PROX1: variants seen among roughly 807,000 people sequenced by gnomAD.
The protein encoded by PROX1 is prospero homeobox 1.
In PROX1, 7 loss-of-function variants were observed where a neutral mutation model predicts 58.8. The ratio of observed to expected loss-of-function variants is 0.12; its 90% CI spans 0.07 to 0.22. The LOEUF is 0.22. Ranked by LOEUF, PROX1 falls within the 10% of genes least tolerant of loss-of-function variation. The pLI, the probability that PROX1 is intolerant of heterozygous loss-of-function variation, is 1.00. For synonymous variants in PROX1, 350 were observed against 358.3 expected (o/e 0.98, Z 0.26); for missense variants, 675 against 927.8 (o/e 0.73, Z 3.54).
intron 2 of PROX1, among the ~76,000 whole-genome samples, chr1:213,999,635 G>A (rs1663420786): frequency 2.0e-5 from 3 of 152,190 alleles, no homozygotes; most frequent in Admixed American, 2.0e-4. Flanking sequence ...CTGAGCAAGA[G>A]AAGAACATTG....
At chr1:214,005,313 C>T in intron 3 of PROX1, 41 bp downstream of exon 3, 1 of 1,477,294 alleles carries the variant, frequency 6.8e-7, no homozygotes, top group Non-Finnish European at 9.4e-7. Flanking sequence ...ATTTTCTATG[C>T]ATGTGGCAGT....
chr1:214,030,555 G>A (rs1286695114), intron 4 of PROX1: 1 of 152,328 alleles, frequency 6.6e-6, no homozygotes, highest in Non-Finnish European at 1.5e-5. Context: ...GATTGAGGAG[G>A]GAGGAGTGTC....
intron 2 of PROX1, among the ~76,000 whole-genome samples, chr1:213,998,724 A>G (rs1433693585): frequency 6.6e-6 from 1 of 152,208 alleles, no homozygotes; most frequent in Admixed American, 6.5e-5. Flanking sequence ...CATAAGAAGA[A>G]TTCTCAGTGT....
chr1:213,984,336 T>C (rs1034793995), upstream of PROX1: 1 of 152,098 alleles, frequency 6.6e-6, no homozygotes, highest in African/African-American at 2.4e-5. Context: ...TATTTGGGAG[T>C]GGGTTCTTTA....
upstream of PROX1, chr1:213,987,726 G>C (rs1481508047): frequency 2.5e-5 from 3 of 121,382 alleles, no homozygotes; most frequent in African/African-American, 9.2e-5. Context: ...GGTGGGGGCC[G>C]GGGATGGAGG....
At chr1:214,009,435 C>A (rs1663830764) in intron 3 of PROX1, among the ~76,000 whole-genome samples, 3 of 152,154 alleles carry the variant, frequency 2.0e-5, no homozygotes, top group Admixed American at 1.3e-4. Flanking sequence ...TACTTTTTCT[C>A]CCCCAGTGTG....
intron 4 of PROX1, among the ~76,000 whole-genome samples, chr1:214,020,273 T>G (rs1391138603): frequency 6.6e-6 from 1 of 152,158 alleles, no homozygotes; most frequent in Non-Finnish European, 1.5e-5. Context: ...ATTGCCACAT[T>G]TTACCAATTT....
chr1:213,983,422 G>A (rs1182533780), upstream of PROX1: 1 of 152,460 alleles, frequency 6.6e-6, no homozygotes, highest in African/African-American at 2.4e-5. Context: ...CCCTGCGAGC[G>A]GGATCGAGCG....
chr1:214,005,307 T>A (rs773912895), intron 3 of PROX1, 35 bp downstream of exon 3: 1 of 1,513,660 alleles, frequency 6.6e-7, no homozygotes, highest in South Asian at 1.2e-5. Flanking sequence ...TTTTTCATTT[T>A]CTATGCATGT....
Position 214,041,063 on chromosome 1 carries a change from G to T in PROX1, c.*5229G>T, listed in dbSNP as rs1451988935. ...GGAAAAAAAAAAGTTGTTGTGGGGA[G>T]GGTGGGAAAGGGGTTTTACTTTGTG... is the stretch of plus-strand genomic sequence containing the variant. On this transcript the variant is annotated 3_prime_UTR_variant, in exon 5 of 5. Coordinates refer to ENST00000366958, the MANE Select transcript of PROX1 (RefSeq NM_001270616.2). 2.6e-5 allele frequency: 4 copies of T among 151,970 alleles called. No individual in the cohort carries two copies. The highest frequency in any genetic ancestry group is 9.7e-5 in the African/African-American group (4 of 41,392). 9.4% of individuals were successfully genotyped at this position (151,970 alleles called of 1,614,324 possible).
chr1:213,994,272 G>A (rs1172641534), intron 1 of PROX1, among the ~76,000 whole-genome samples: 1 of 152,128 alleles, frequency 6.6e-6, no homozygotes, highest in Admixed American at 6.5e-5. Context: ...ACTGCAAAAA[G>A]TTTGTTTGAC....
chr1:213,993,657 T>A (rs150148894), intron 1 of PROX1, among the ~76,000 whole-genome samples: 4 of 152,306 alleles, frequency 2.6e-5, no homozygotes, highest in African/African-American at 9.6e-5. Flanking sequence ...CTTCCATGGG[T>A]TATGGTTCCA....
chr1:213,992,546 T>C (rs1487507354), intron 1 of PROX1, among the ~76,000 whole-genome samples: 1 of 152,130 alleles, frequency 6.6e-6, no homozygotes, highest in Non-Finnish European at 1.5e-5. Flanking sequence ...ATTTGAAATT[T>C]CATAACCAGG....
chr1:214,010,083 T>C (rs1045328281), intron 3 of PROX1, among the ~76,000 whole-genome samples: 3 of 152,158 alleles, frequency 2.0e-5, no homozygotes, highest in African/African-American at 7.2e-5. Context: ...GTTGTCTTTT[T>C]AATCGGGTTC....
intron 2 of PROX1, among the ~76,000 whole-genome samples, chr1:214,000,164 G>A (rs1571807908): frequency 2.0e-5 from 3 of 152,168 alleles, no homozygotes; most frequent in East Asian, 1.9e-4. Flanking sequence ...TCCACACTAA[G>A]CTCTTTAGTT....
intron 3 of PROX1, among the ~76,000 whole-genome samples, chr1:214,010,487 G>A (rs990620133): frequency 6.6e-6 from 1 of 152,130 alleles, no homozygotes; most frequent in Non-Finnish European, 1.5e-5. Flanking sequence ...TTTGATGAAT[G>A]TACATCTTTT....
At chr1:214,018,715 C>G (rs1279682168) in intron 4 of PROX1, among the ~76,000 whole-genome samples, 2 of 152,106 alleles carry the variant, frequency 1.3e-5, no homozygotes, top group African/African-American at 2.4e-5. Context: ...TGAAGGGAAC[C>G]ATATTTAAAG....
chr1:213,996,848 G>A lies in PROX1; in HGVS notation c.313G>A (p.Gly105Ser). ...GTTGAAAAATAACATGAACAAAAAT[G>A]GTGGCACGGAGCCCAGTTTCCAAGC... ...QLLKNNMNKN[G>S]GTEPSFQASG... The change falls in exon 2 of 5, where the codon GGT becomes AGT. Residue 105 changes from glycine (G) to serine (S), a missense_variant. Around this residue, in one of 8 missense-constraint regions of PROX1, gnomAD observed 157 missense variants for 197.8 expected, o/e 0.79. Transcript: ENST00000366958. The A allele has an allele frequency of 6.2e-7, 1 of 1,614,116 alleles. No individual in the cohort carries two copies. The highest frequency in any genetic ancestry group is 8.5e-7 in the Non-Finnish European group (1 of 1,180,024).
At position 214,005,962 on chromosome 1, in the gene PROX1, GTA is replaced by G. The variant is rs1442920590; in HGVS notation, c.1833+692_1833+693del. Among the ~76,000 whole-genome samples, 3 of 151,616 alleles carry G rather than the reference GTA, an allele frequency of 2.0e-5. No homozygotes were observed. In the East Asian group the frequency reaches 5.8e-4, roughly 29 times the overall value. On this transcript the variant is annotated intron_variant, in intron 3 of 4. Transcript: ENST00000366958. ...TGTATGCGTGTGTGTGTGTGTGTGT[GTA>G]TGTGTCTGTGTCTGTGTGTGGGTTT...
Sources: allele counts gnomAD v4.1 joint callset (sites outside exome capture counted in the v4.1 genomes callset), GRCh38; gene constraint gnomAD v4.1.1; regional missense constraint gnomAD v4.1.1; transcripts MANE v1.5; gene names NCBI Gene and HGNC (gene_info 2026-07-23, HGNC 2026-07-21).